The following ST6GAL2 variants were observed in gnomAD, a reference collection of about 807,000 sequenced individuals.
ST6GAL2 encodes beta-galactoside alpha-2,6-sialyltransferase 2.
ST6GAL2 carries 24 observed loss-of-function variants against 37.5 expected under a neutral mutation model. That is an observed-to-expected ratio of 0.64 (90% CI 0.46 to 0.90). The LOEUF is 0.90. Ranked by LOEUF, ST6GAL2 falls within the 40% of genes least tolerant of loss-of-function variation. The pLI is 0.00. For missense variants in ST6GAL2, 715 were observed against 712.7 expected (o/e 1.00, Z -0.04); for synonymous variants, 306 against 295.1 (o/e 1.04, Z -0.38).
chr2:106,832,802 G>C (rs989586761), intron 3 of ST6GAL2, 136 bp from the exon 4 acceptor site: 31 of 689,446 alleles, frequency 4.5e-5, no homozygotes, highest in Non-Finnish European at 7.4e-5. Flanking sequence ...TCTGGGGGAG[G>C]GAGAGAGGCA....
chr2:106,834,919 A>T (rs889793863), intron 2 of ST6GAL2: 1 of 152,182 alleles, frequency 6.6e-6, no homozygotes, highest in Admixed American at 6.5e-5. Flanking sequence ...GTTCAACTTG[A>T]CAGCCCGACT....
intron 1 of ST6GAL2, among the ~76,000 whole-genome samples, chr2:106,865,728 G>A (rs1185985719): frequency 6.6e-6 from 1 of 152,166 alleles, no homozygotes; most frequent in Non-Finnish European, 1.5e-5. Context: ...TAGACACAAG[G>A]AAACAAAGGT....
In ST6GAL2 at chr2:106,843,344, C is replaced by G; in HGVS notation, c.634G>C (p.Val212Leu). ...CGCGGGTTCAGCATTTTGGAAGAGA[C>G]GTTCCCCTTCCAGAGCCGGTACAGG... ...AFLYRLWKGN[V>L]SSKMLNPRLQ... The change falls in exon 2 of 6, where the codon GTC (valine) becomes CTC (leucine). Residue 212 changes from valine (V) to leucine (L), a missense_variant. Physicochemically the swap from Val to Leu is conservative, Grantham distance 32. Around this residue, in one of 3 missense-constraint regions of ST6GAL2, gnomAD observed 512 missense variants for 488.8 expected, o/e 1.05. Transcript: ENST00000409382. 1 of 1,614,088 alleles carries G rather than the reference C, an allele frequency of 6.2e-7. No individual in the cohort carries two copies. The highest frequency in any genetic ancestry group is 1.1e-5 in the South Asian group (1 of 91,086).
At chr2:106,880,683 T>C (rs1396703504) in intron 1 of ST6GAL2, among the ~76,000 whole-genome samples, 1 of 152,224 alleles carries the variant, frequency 6.6e-6, no homozygotes, top group Non-Finnish European at 1.5e-5. Flanking sequence ...TCACAAGCCA[T>C]GTAATTTGGA....
chr2:106,880,742 C>T (rs1320446470), intron 1 of ST6GAL2, among the ~76,000 whole-genome samples: 1 of 150,774 alleles, frequency 6.6e-6, no homozygotes, highest in East Asian at 1.9e-4. Flanking sequence ...GAATGTTCTT[C>T]CTTCAGTTGG....
intron 1 of ST6GAL2, among the ~76,000 whole-genome samples, chr2:106,852,621 A>C (rs1677414355): frequency 6.6e-6 from 1 of 152,178 alleles, no homozygotes; most frequent in Non-Finnish European, 1.5e-5. Flanking sequence ...TTAAGAAAAT[A>C]AGTGGGGGGA....
At chr2:106,830,690 A>G (rs558790779) in intron 4 of ST6GAL2, among the ~76,000 whole-genome samples, 1 of 152,286 alleles carries the variant, frequency 6.6e-6, no homozygotes, top group South Asian at 2.1e-4. Context: ...CCATGGGTGT[A>G]GTTTGTTGAC....
chr2:106,877,592 A>G (rs977852627), intron 1 of ST6GAL2, among the ~76,000 whole-genome samples: 2 of 152,234 alleles, frequency 1.3e-5, no homozygotes. Flanking sequence ...AAATGAAGAA[A>G]ATTTTATTTT....
rs1233619941 is a variant in ST6GAL2 at position 106,805,687 on chromosome 2, C to T, written c.*991G>A. 1 of 152,216 alleles carries T rather than the reference C, an allele frequency of 6.6e-6. No homozygotes were observed. The highest frequency in any genetic ancestry group is 1.5e-5 in the Non-Finnish European group (1 of 68,046). The allele number at this position is 152,216 out of a possible 1,614,324, so 9.4% of individuals were successfully genotyped here. ...CTGCAAGAAACCTGTATAATAAAGA[C>T]AGGCGTGCATCCCTAGAAGCACAGG... is the stretch of plus-strand genomic sequence containing the variant. On this transcript the variant is annotated 3_prime_UTR_variant, in exon 6 of 6. Coordinates refer to ENST00000409382, the MANE Select transcript of ST6GAL2 (RefSeq NM_001142351.2).
intron 2 of ST6GAL2, chr2:106,835,119 C>T (rs542776356): frequency 2.0e-5 from 3 of 152,236 alleles, no homozygotes; most frequent in Non-Finnish European, 4.4e-5. Flanking sequence ...CTTGAAATTC[C>T]TAGAAACCAG....
chr2:106,879,657 A>G (rs1313362324), intron 1 of ST6GAL2, among the ~76,000 whole-genome samples: 1 of 149,444 alleles, frequency 6.7e-6, no homozygotes, highest in African/African-American at 2.4e-5. Flanking sequence ...ATACGTATCT[A>G]ATGTATATAA....
At chr2:106,838,331 C>T (rs1330924356) in intron 2 of ST6GAL2, among the ~76,000 whole-genome samples, 1 of 152,142 alleles carries the variant, frequency 6.6e-6, no homozygotes, top group Non-Finnish European at 1.5e-5. Flanking sequence ...CCCCAGGCCC[C>T]ATTCACCACA....
chr2:106,823,507 C>A (rs62155505), intron 5 of ST6GAL2, among the ~76,000 whole-genome samples: 6 of 137,202 alleles, frequency 4.4e-5, no homozygotes, highest in African/African-American at 5.6e-5. Flanking sequence ...AGAGAGAGAT[C>A]GAGAGAGAGA....
chr2:106,844,106 T>C, intron 1 of ST6GAL2, 72 bp from the exon 2 acceptor site: 1 of 706,988 alleles, frequency 1.4e-6, no homozygotes, highest in South Asian at 2.3e-5. Flanking sequence ...CATTCTATCT[T>C]GAGCAGTGTT....
intron 5 of ST6GAL2, 111 bp from the exon 6 acceptor site, chr2:106,807,060 A>G: frequency 1.1e-6 from 1 of 893,722 alleles, no homozygotes; most frequent in Non-Finnish European, 1.7e-6. Flanking sequence ...AGAGACACTT[A>G]CTTTTTTGTT....
chr2:106,842,055 A>G (rs531924130), intron 2 of ST6GAL2, among the ~76,000 whole-genome samples: 1 of 152,316 alleles, frequency 6.6e-6, no homozygotes, highest in Admixed American at 6.5e-5. Flanking sequence ...AAGCCAGGTG[A>G]ATGCTTTAAG....
At chr2:106,812,104 C>T (rs748612534) in intron 5 of ST6GAL2, among the ~76,000 whole-genome samples, 39 of 152,110 alleles carry the variant, frequency 2.6e-4, no homozygotes, top group Non-Finnish European at 5.0e-4. Context: ...GATTAGGTCA[C>T]GTGAGTGGAG....
chr2:106,813,216 C>G (rs1675678176), intron 5 of ST6GAL2: 26 of 1,338,862 alleles, frequency 1.9e-5, no homozygotes, highest in Non-Finnish European at 2.1e-5. Flanking sequence ...CCAATTTTTA[C>G]AAATGAGCCT....
intron 1 of ST6GAL2, among the ~76,000 whole-genome samples, chr2:106,866,229 T>A (rs954049847): frequency 6.6e-6 from 1 of 152,246 alleles, no homozygotes; most frequent in East Asian, 1.9e-4. Flanking sequence ...TTGCTGGGCA[T>A]GTGACTGTGC....
Sources: gnomAD v4.1 joint callset for allele counts (sites outside exome capture counted in the v4.1 genomes callset) on GRCh38, gnomAD v4.1.1 for gene constraint, gnomAD v4.1.1 regional missense constraint, MANE v1.5 for transcripts, NCBI Gene and HGNC (gene_info 2026-07-23, HGNC 2026-07-21) for gene names.